The following USP4 variants were observed in gnomAD, a reference collection of about 807,000 sequenced individuals.
USP4 encodes ubiquitin carboxyl-terminal hydrolase 4.
USP4 carries 72 observed loss-of-function variants against 118.2 expected under a neutral mutation model. The ratio of observed to expected loss-of-function variants is 0.61; its 90% CI spans 0.50 to 0.74. The LOEUF is 0.74. USP4 is among the 30% of genes least tolerant of loss of function. The probability of loss-of-function intolerance (pLI) is 0.00; values close to 1 mark genes in which losing one functional copy is unlikely to be tolerated. For missense variants in USP4, 1,037 were observed against 1,185.7 expected, an observed-to-expected ratio of 0.87 and a Z score of 1.84; for synonymous variants, 415 against 440.4, an observed-to-expected ratio of 0.94 and a Z score of 0.72.
intron 6 of USP4, among the ~76,000 whole-genome samples, chr3:49,315,659 C>A (rs1367260593): frequency 6.6e-6 from 1 of 152,168 alleles, no homozygotes; most frequent in Non-Finnish European, 1.5e-5. Flanking sequence ...TGTAGTCAAG[C>A]CTCTGGACTC....
chr3:49,285,953 GGC>G (rs2047086679), intron 16 of USP4, 143 bp downstream of exon 16: 1 of 720,934 alleles, frequency 1.4e-6, no homozygotes, highest in Admixed American at 2.7e-5. Flanking sequence ...GTCCTTAGGG[GGC>G]TTCAAGCCAA....
At chr3:49,304,997 C>G (rs542227880) in intron 9 of USP4, among the ~76,000 whole-genome samples, 9 of 150,168 alleles carry the variant, frequency 6.0e-5, no homozygotes, top group Non-Finnish European at 1.2e-4. Flanking sequence ...CTCCTGACCT[C>G]GTGATCTGCC....
chr3:49,326,856 C>T (rs576956416), intron 3 of USP4, among the ~76,000 whole-genome samples: 13 of 151,720 alleles, frequency 8.6e-5, no homozygotes, highest in African/African-American at 3.1e-4. Context: ...TATGTGCCAC[C>T]ACACCCAGTT....
chr3:49,295,714 G>GCGCACACACACACACACACACACA (rs149459963), intron 13 of USP4, among the ~76,000 whole-genome samples: 12 of 148,414 alleles, frequency 8.1e-5, no homozygotes, highest in African/African-American at 2.9e-4. Flanking sequence ...GCGCGCGCGC[G>GCGCACACACACACACACACACACA]CACACACACA....
chr3:49,302,516 T>C lies in USP4; in HGVS notation c.1155A>G (p.Gln385=), dbSNP rs766006982. The C allele has an allele frequency of 3.1e-6, 5 of 1,613,752 alleles. No homozygotes were observed. The highest frequency in any genetic ancestry group is 2.2e-5 in the South Asian group (2 of 91,032). ...FKTQVGRFAP[Q]FSGYQQQDSQ... ...AATCTTGTTGCTGGTAGCCAGAAAA[T>C]TGAGGAGCAAAACGTCCTACTTGAG... The change falls in exon 10 of 22, where the codon CAA becomes CAG. Residue 385 remains glutamine, a synonymous_variant. Coordinates refer to ENST00000265560, the MANE Select transcript of USP4 (RefSeq NM_003363.4).
Position 49,278,169 on chromosome 3 carries a change from C to A in USP4, c.*124G>T. 1 of 1,035,590 alleles carries A rather than the reference C, an allele frequency of 9.7e-7. No homozygotes were observed. Among genetic ancestry groups the A allele is most frequent in the Non-Finnish European group, 1.3e-6 (1 of 757,486 alleles). The allele number at this position is 1,035,590 out of a possible 1,614,324, so 64.2% of individuals were successfully genotyped here. On this transcript the variant is annotated 3_prime_UTR_variant, in exon 22 of 22. Coordinates refer to ENST00000265560, the MANE Select transcript of USP4 (RefSeq NM_003363.4). ...TTTTTTTTTTTTGTTTCCTTCTGCT[C>A]ATAAAAGAAGGGTATTTCCTTGTCT...
chr3:49,300,710 C>CA lies in USP4; in HGVS notation c.1288-20dup. ...CCACCACCTGCGTCAAAGGGATAAA[C>CA]AGGACATTCTCAACACCTCTCAGCC... is the stretch of plus-strand genomic sequence containing the variant. On this transcript the variant is annotated intron_variant, in intron 10 of 21. Coordinates refer to ENST00000265560, the MANE Select transcript of USP4 (RefSeq NM_003363.4). 2 of 1,611,440 alleles carry CA rather than the reference C, an allele frequency of 1.2e-6. No homozygotes were observed. The highest frequency in any genetic ancestry group is 2.2e-5 in the South Asian group (2 of 90,836).
intron 2 of USP4, among the ~76,000 whole-genome samples, chr3:49,332,714 A>C (rs1171788314): frequency 6.6e-6 from 1 of 151,814 alleles, no homozygotes; most frequent in Non-Finnish European, 1.5e-5. Context: ...AATAATAATA[A>C]ATAAAAATAA....
Position 49,327,779 on chromosome 3 carries a change from A to G in USP4, c.267T>C (p.Asp89=). The G allele has an allele frequency of 1.2e-6, 2 of 1,613,972 alleles. No homozygotes were observed. The highest frequency in any genetic ancestry group is 1.7e-6 in the Non-Finnish European group (2 of 1,179,874). The part of the protein sequence containing the change: ...ESQTLKEHLI[D]ELDYVLVPTE... ...TAGGGACCAATACATAGTCCAATTC[A>G]TCAATTAAGTGTTCTTTCAAGGTCT... The change falls in exon 3 of 22, where the codon GAT becomes GAC. Residue 89 remains aspartate (D), a synonymous_variant. Coordinates refer to ENST00000265560, the MANE Select transcript of USP4 (RefSeq NM_003363.4).
At chr3:49,338,407 C>G (rs964514611) in intron 1 of USP4, among the ~76,000 whole-genome samples, 1 of 152,030 alleles carries the variant, frequency 6.6e-6, no homozygotes, top group Non-Finnish European at 1.5e-5. Flanking sequence ...CGCCTGTAAT[C>G]CCAGCACTTT....
chr3:49,293,903 G>A (rs988476644), intron 14 of USP4, among the ~76,000 whole-genome samples: 1 of 151,728 alleles, frequency 6.6e-6, no homozygotes, highest in African/African-American at 2.4e-5. Context: ...CTAGGATCAC[G>A]GTACCTAAGA....
rs1349723286 is a variant in USP4 at position 49,280,753 on chromosome 3, C to T, written c.2635G>A (p.Val879Ile). 1.9e-6 allele frequency: 3 copies of T among 1,613,676 alleles called. No homozygotes were observed. Among genetic ancestry groups the T allele is most frequent in the Non-Finnish European group, 2.5e-6 (3 of 1,179,782 alleles). Residue 879 changes from valine (V) to isoleucine (I), a missense_variant, in exon 20 of 22, where the codon GTT becomes ATT. This residue lies in a region of USP4 where 522 missense variants were observed against 592.6 expected (regional missense o/e 0.88). Coordinates refer to ENST00000265560, the MANE Select transcript of USP4 (RefSeq NM_003363.4). The part of the protein sequence containing the change: ...AVSNHYGAMG[V>I]GHYTAYAKNK... ...AGATGTCAATACTTACAGTGGCCAA[C>T]CCCCATGGCTCCATAATGATTGGAC...
intron 12 of USP4, 73 bp downstream of exon 12, chr3:49,298,479 A>C (rs2047231406): frequency 6.7e-7 from 1 of 1,491,688 alleles, no homozygotes; most frequent in Admixed American, 1.7e-5. Context: ...AAGTGGCTTC[A>C]AGGTTGAAAG....
At chr3:49,280,698 C>T (rs77647984) in intron 20 of USP4, 46 bp downstream of exon 20, 13 of 1,527,522 alleles carry the variant, frequency 8.5e-6, no homozygotes, top group East Asian at 4.5e-5. Flanking sequence ...AGATGATGGC[C>T]GAGCACATTT....
At chr3:49,279,376 T>C (rs1336939542) in intron 20 of USP4, 1 of 152,236 alleles carries the variant, frequency 6.6e-6, no homozygotes, top group Non-Finnish European at 1.5e-5. Context: ...ATAATCCCAG[T>C]TAGAGGAACA....
At chr3:49,281,538 AC>A (rs2047028844) in intron 19 of USP4, among the ~76,000 whole-genome samples, 1 of 149,572 alleles carries the variant, frequency 6.7e-6, no homozygotes, top group Non-Finnish European at 1.5e-5. Context: ...ACACATATAT[AC>A]ATTTATATAT....
chr3:49,280,389 G>T (rs1035237420), intron 20 of USP4, among the ~76,000 whole-genome samples: 5 of 150,992 alleles, frequency 3.3e-5, no homozygotes, highest in African/African-American at 1.2e-4. Flanking sequence ...GTGAAACCCC[G>T]TCTCTACTAA....
At chr3:49,329,260 T>C (rs1344365166) in intron 2 of USP4, among the ~76,000 whole-genome samples, 2 of 152,174 alleles carry the variant, frequency 1.3e-5, no homozygotes, top group Admixed American at 1.3e-4. Context: ...CTAGTTCTCT[T>C]GCTATTTCCA....
chr3:49,295,714 G>GCGCGCACACACA (rs149459963), intron 13 of USP4, among the ~76,000 whole-genome samples: 71 of 148,408 alleles, frequency 4.8e-4, no homozygotes, highest in African/African-American at 1.7e-3. Context: ...GCGCGCGCGC[G>GCGCGCACACACA]CACACACACA....
Sources: allele counts gnomAD v4.1 joint callset (sites outside exome capture counted in the v4.1 genomes callset), GRCh38; gene constraint gnomAD v4.1.1; regional missense constraint gnomAD v4.1.1; transcripts MANE v1.5; gene names NCBI Gene and HGNC (gene_info 2026-07-23, HGNC 2026-07-21).